SPAG16: variants seen among roughly 807,000 people sequenced by gnomAD.
SPAG16 encodes sperm-associated antigen 16 protein.
Under a neutral mutation model 80.4 loss-of-function variants are expected in SPAG16, and 86 were observed. The observed-to-expected ratio is 1.07, with a 90% CI of 0.90 to 1.28. The LOEUF is 1.28. Among genes scored for constraint, SPAG16 ranks in the 50% most tolerant of loss-of-function variants. SPAG16 has a pLI of 0.00. For missense variants in SPAG16, 870 were observed against 765.3 expected, an observed-to-expected ratio of 1.14 and a Z score of -1.61; for synonymous variants, 294 against 265.9, an observed-to-expected ratio of 1.11 and a Z score of -1.03.
At position 213,418,254 on chromosome 2, in the gene SPAG16, T is replaced by TAC. The variant is rs200602277; in HGVS notation, c.942+43147_942+43148dup. ...ATATACATGGATATTTATATCCATC[T>TAC]ACACACACACACATATATATATATG... On this transcript the variant is annotated intron_variant, in intron 9 of 15. Coordinates refer to ENST00000331683, the MANE Select transcript of SPAG16 (RefSeq NM_024532.5). Among the ~76,000 whole-genome samples the TAC allele has an allele frequency of 4.1e-4, 63 of 151,958 alleles. 1 individual carries two copies. The highest frequency in any genetic ancestry group is 1.4e-3 in the African/African-American group (58 of 41,378).
intron 14 of SPAG16, among the ~76,000 whole-genome samples, chr2:214,144,407 C>T (rs1484827599): frequency 2.9e-5 from 4 of 137,920 alleles, no homozygotes; most frequent in African/African-American, 8.7e-5. Context: ...TAAATTTTTC[C>T]ATGTTTTACA....
At chr2:214,023,799 TG>T (rs2048004889) in intron 13 of SPAG16, among the ~76,000 whole-genome samples, 1 of 151,672 alleles carries the variant, frequency 6.6e-6, no homozygotes, top group Non-Finnish European at 1.5e-5. Flanking sequence ...TTACTATAAA[TG>T]GTATTACACT....
At chr2:213,331,436 A>G (rs1402149630) in intron 5 of SPAG16, among the ~76,000 whole-genome samples, 2 of 152,246 alleles carry the variant, frequency 1.3e-5, no homozygotes, top group Non-Finnish European at 2.9e-5. Context: ...GCACCCAGAT[A>G]TATAAAGCAA....
At chr2:213,440,499 G>C (rs964693586) in intron 9 of SPAG16, among the ~76,000 whole-genome samples, 2 of 152,322 alleles carry the variant, frequency 1.3e-5, no homozygotes, top group Admixed American at 6.5e-5. Context: ...AACTTGCAGT[G>C]AGCCAAGATT....
chr2:214,397,241 C>T (rs1210957669), intron 15 of SPAG16, among the ~76,000 whole-genome samples: 1 of 150,828 alleles, frequency 6.6e-6, no homozygotes, highest in Non-Finnish European at 1.5e-5. Context: ...CTGCAACCTC[C>T]GCCTCCTGGA....
intron 10 of SPAG16, among the ~76,000 whole-genome samples, chr2:213,817,771 G>A (rs1357725203): frequency 1.3e-5 from 2 of 152,028 alleles, no homozygotes; most frequent in Non-Finnish European, 2.9e-5. Flanking sequence ...TGAACACTGG[G>A]TACTCAGGGG....
chr2:213,864,825 T>C (rs1042103425), intron 11 of SPAG16, among the ~76,000 whole-genome samples: 9 of 152,030 alleles, frequency 5.9e-5, no homozygotes, highest in African/African-American at 2.2e-4. Flanking sequence ...CAATCAATCT[T>C]CTTTGTCCTA....
At chr2:213,532,605 C>G (rs2076109566) in intron 10 of SPAG16, among the ~76,000 whole-genome samples, 1 of 151,712 alleles carries the variant, frequency 6.6e-6, no homozygotes, top group Non-Finnish European at 1.5e-5. Context: ...GGGACTACGG[C>G]TACACATCAC....
intron 15 of SPAG16, among the ~76,000 whole-genome samples, chr2:214,370,587 G>T (rs1379766414): frequency 6.6e-6 from 1 of 152,054 alleles, no homozygotes; most frequent in East Asian, 1.9e-4. Context: ...TGTGTGGTGA[G>T]AACATTTAAG....
At chr2:213,614,153 G>A (rs1381410604) in intron 10 of SPAG16, among the ~76,000 whole-genome samples, 1 of 152,170 alleles carries the variant, frequency 6.6e-6, no homozygotes, top group African/African-American at 2.4e-5. Context: ...GTAAGGGAGA[G>A]TAGAACATTC....
intron 12 of SPAG16, among the ~76,000 whole-genome samples, chr2:213,966,782 C>T (rs903391698): frequency 6.6e-5 from 10 of 152,078 alleles, no homozygotes; most frequent in Non-Finnish European, 1.2e-4. Context: ...TCATTTTTTC[C>T]ACAGTCTTCT....
chr2:213,976,397 A>C (rs1338914210), intron 12 of SPAG16, among the ~76,000 whole-genome samples: 1 of 151,772 alleles, frequency 6.6e-6, no homozygotes, highest in African/African-American at 2.4e-5. Context: ...ATAAATCTTC[A>C]AAACCAGTCC....
intron 13 of SPAG16, among the ~76,000 whole-genome samples, chr2:214,062,117 A>G (rs2125184723): frequency 6.6e-6 from 1 of 152,104 alleles, no homozygotes; most frequent in East Asian, 1.9e-4. Context: ...TCTTAAAGTT[A>G]CATCAAAAAC....
chr2:213,594,444 T>C (rs2060816159), intron 10 of SPAG16, among the ~76,000 whole-genome samples: 1 of 152,250 alleles, frequency 6.6e-6, no homozygotes, highest in Non-Finnish European at 1.5e-5. Context: ...GCAAGCCTCA[T>C]GAAGAGTACT....
chr2:214,409,905 T>C (rs1702203698), intron 15 of SPAG16, among the ~76,000 whole-genome samples: 3 of 152,136 alleles, frequency 2.0e-5, no homozygotes, highest in African/African-American at 7.2e-5. Context: ...ATAAAGGAGG[T>C]AGACCATTAG....
At chr2:213,629,237 A>T (rs2062060009) in intron 10 of SPAG16, among the ~76,000 whole-genome samples, 1 of 152,214 alleles carries the variant, frequency 6.6e-6, no homozygotes, top group South Asian at 2.1e-4. Context: ...CTCATCAATA[A>T]GAGCAATAAA....
chr2:214,314,936 G>T (rs1165744623), intron 15 of SPAG16, among the ~76,000 whole-genome samples: 1 of 151,074 alleles, frequency 6.6e-6, no homozygotes, highest in Non-Finnish European at 1.5e-5. Flanking sequence ...AGTGGAGAAG[G>T]TTAAACCAAT....
chr2:213,959,963 C>A (rs965187761), intron 12 of SPAG16, among the ~76,000 whole-genome samples: 4 of 152,156 alleles, frequency 2.6e-5, no homozygotes, highest in African/African-American at 9.7e-5. Context: ...GCCATTATTT[C>A]TTTAAATATC....
intron 8 of SPAG16, among the ~76,000 whole-genome samples, chr2:213,371,440 GGTTAAGTGGTTGTTCTTC>G (rs2066632787): frequency 7.2e-6 from 1 of 139,588 alleles, no homozygotes; most frequent in Non-Finnish European, 1.6e-5. Context: ...ACGATTTATT[GGTTAAGTGGTTGTTCTTC>G]ATAATTCCTG....
Sources: gnomAD v4.1 joint callset for allele counts (sites outside exome capture counted in the v4.1 genomes callset) on GRCh38, gnomAD v4.1.1 for gene constraint, MANE v1.5 for transcripts, NCBI Gene and HGNC (gene_info 2026-07-23, HGNC 2026-07-21) for gene names.